Variants in TSNARE1 observed in about 807,000 individuals in gnomAD.
The protein encoded by TSNARE1 is t-SNARE domain containing 1, also known as t-SNARE domain-containing protein 1.
TSNARE1 carries 49 observed loss-of-function variants against 62.0 expected under a neutral mutation model. The ratio of observed to expected loss-of-function variants is 0.79; its 90% confidence interval spans 0.63 to 1.00. TSNARE1 has a LOEUF of 1.00. Ranked by LOEUF, TSNARE1 falls within the 50% of genes least tolerant of loss-of-function variation. The probability of loss-of-function intolerance (pLI) is 0.00; values close to 1 mark genes in which losing one functional copy is unlikely to be tolerated. For missense variants in TSNARE1, 755 were observed against 700.1 expected (o/e 1.08, Z -0.88); for synonymous variants, 328 against 294.4 (o/e 1.11, Z -1.17).
At chr8:142,360,791 G>C (rs1320182532) in intron 1 of TSNARE1, among the ~76,000 whole-genome samples, 3 of 152,200 alleles carry the variant, frequency 2.0e-5, no homozygotes, top group African/African-American at 7.2e-5. Context: ...CAGGAGGAGG[G>C]AGGCCTGGCA....
At chr8:142,298,819 T>C (rs1825200540) in intron 10 of TSNARE1, among the ~76,000 whole-genome samples, 1 of 152,082 alleles carries the variant, frequency 6.6e-6, no homozygotes, top group South Asian at 2.1e-4. Context: ...GGGGAAGCGG[T>C]CCGTCTGCCT....
intron 9 of TSNARE1, among the ~76,000 whole-genome samples, chr8:142,301,686 G>A (rs1321520812): frequency 6.6e-6 from 1 of 152,226 alleles, no homozygotes; most frequent in Non-Finnish European, 1.5e-5. Flanking sequence ...GAAAAAGGGA[G>A]ACAGGAAAAG....
At chr8:142,226,467 G>T (rs892046541) in intron 13 of TSNARE1, among the ~76,000 whole-genome samples, 3 of 152,164 alleles carry the variant, frequency 2.0e-5, no homozygotes. Context: ...CCTATTGCTT[G>T]TTCTTCCGTG....
Position 142,270,583 on chromosome 8 carries a change from G to A in TSNARE1, c.1446+4198C>T, listed in dbSNP as rs1423222034. ...GGTTCCCCTGGGCCAGAACCACGTA[G>A]GGCAGAGGAGCCCTGCCCTCCAAGT... On this transcript the variant is annotated intron_variant, in intron 12 of 13. Transcript: ENST00000524325. 8 of 984,892 alleles carry A rather than the reference G, an allele frequency of 8.1e-6. No homozygotes were observed. The Admixed American group carries it at 3.7e-4, about 46-fold the overall frequency. 61.0% of individuals were successfully genotyped at this position (984,892 alleles called of 1,614,324 possible).
Position 142,277,299 on chromosome 8 carries a change from G to A in TSNARE1, c.1364-2436C>T. The A allele has an allele frequency of 4.1e-6, 4 of 985,330 alleles. No individual in the cohort carries two copies. In the South Asian group the frequency reaches 1.9e-4, roughly 46 times the overall value. 61.0% of individuals were successfully genotyped at this position (985,330 alleles called of 1,614,324 possible). On this transcript the variant is annotated intron_variant, in intron 11 of 13. Coordinates refer to ENST00000524325, the MANE Select transcript of TSNARE1 (RefSeq NM_145003.5). The stretch of plus-strand genomic sequence containing the variant: ...AGGGGCCAGAGAGAGCAGCCTTTGG[G>A]ACCGCCCTCCCCAGACACTCGCAGA...
At chr8:142,224,539 T>A (rs1211536950) in intron 13 of TSNARE1, among the ~76,000 whole-genome samples, 2 of 152,206 alleles carry the variant, frequency 1.3e-5, no homozygotes, top group African/African-American at 4.8e-5. Context: ...GTGCGGTCCC[T>A]CCTCACCGTG....
At chr8:142,331,427 G>A (rs544330883) in intron 5 of TSNARE1, among the ~76,000 whole-genome samples, 7 of 152,320 alleles carry the variant, frequency 4.6e-5, no homozygotes, top group South Asian at 4.1e-4. Context: ...AAGGTGTCAA[G>A]AAGGAGCAGC....
chr8:142,316,734 C>T (rs1563898482), intron 7 of TSNARE1, among the ~76,000 whole-genome samples: 1 of 151,844 alleles, frequency 6.6e-6, no homozygotes, highest in African/African-American at 2.4e-5. Context: ...ATGTTTCACA[C>T]AAACAGAACC....
chr8:142,334,752 C>T (rs761049441), intron 4 of TSNARE1, among the ~76,000 whole-genome samples: 1 of 152,316 alleles, frequency 6.6e-6, no homozygotes, highest in East Asian at 1.9e-4. Context: ...GGACTTGATC[C>T]TTTCGTCAGA....
intron 12 of TSNARE1, among the ~76,000 whole-genome samples, chr8:142,239,561 AG>A (rs1817589695): frequency 6.6e-6 from 1 of 152,268 alleles, no homozygotes; most frequent in African/African-American, 2.4e-5. Flanking sequence ...TTAAAAATAG[AG>A]TAAGGAAAAA....
intron 12 of TSNARE1, among the ~76,000 whole-genome samples, chr8:142,249,087 C>T (rs1027466651): frequency 3.3e-5 from 5 of 152,264 alleles, no homozygotes; most frequent in Non-Finnish European, 7.3e-5. Context: ...ACCGGGCCCC[C>T]GCCAGACCGC....
At chr8:142,271,632 G>A (rs1286299006) in intron 12 of TSNARE1, 1 of 1,428,244 alleles carries the variant, frequency 7.0e-7, no homozygotes, top group Non-Finnish European at 9.1e-7. Context: ...GGCAGGCTGG[G>A]CCCTTCCAGG....
chr8:142,259,764 G>T (rs944655005), intron 12 of TSNARE1, among the ~76,000 whole-genome samples: 2 of 152,266 alleles, frequency 1.3e-5, no homozygotes, highest in Middle Eastern at 3.4e-3. Flanking sequence ...TGCCTGCAAC[G>T]TGGCTGCTCC....
intron 1 of TSNARE1, among the ~76,000 whole-genome samples, chr8:142,387,438 C>G (rs1239573859): frequency 2.0e-5 from 3 of 151,806 alleles, no homozygotes; most frequent in Admixed American, 6.6e-5. Context: ...GTTTAAAAAG[C>G]AGAGAAATAA....
At chr8:142,245,638 G>C (rs528088343) in intron 12 of TSNARE1, among the ~76,000 whole-genome samples, 1 of 152,194 alleles carries the variant, frequency 6.6e-6, no homozygotes, top group Admixed American at 6.5e-5. Flanking sequence ...GTTTAGTAGT[G>C]AATACATCTT....
Position 142,229,569 on chromosome 8 carries a change from T to C in TSNARE1, c.1457A>G (p.His486Arg). 1 of 1,613,856 alleles carries C rather than the reference T, an allele frequency of 6.2e-7. No homozygotes were observed. Among genetic ancestry groups the C allele is most frequent in the South Asian group, 1.1e-5 (1 of 91,074 alleles). ...AGASRHQLQR[H>R]KIKCCFLSAG... ...TGATAGGAAGCAGCACTTGATCTTG[T>C]GTCTCTGGAGCTGGGAGAGAGAGAG... The change falls in exon 13 of 14, where the codon CAC becomes CGC. Residue 486 changes from histidine to arginine, a missense_variant. By Grantham distance (29) the His-to-Arg change is conservative (BLOSUM62 0). Transcript: ENST00000524325.
At chr8:142,271,560 G>C (rs1320874307) in intron 12 of TSNARE1, 25 of 1,401,532 alleles carry the variant, frequency 1.8e-5, no homozygotes, top group Non-Finnish European at 2.2e-5. Flanking sequence ...GGGGAAGCAG[G>C]TGGGGAGGGT....
At chr8:142,292,416 C>T (rs987527305) in intron 10 of TSNARE1, among the ~76,000 whole-genome samples, 3 of 152,154 alleles carry the variant, frequency 2.0e-5, no homozygotes, top group Non-Finnish European at 4.4e-5. Context: ...GGCATGACTG[C>T]AATGTGCTTG....
chr8:142,217,985 A>C (rs1586746683), intron 13 of TSNARE1, among the ~76,000 whole-genome samples: 24 of 91,432 alleles, frequency 2.6e-4, no homozygotes, highest in Non-Finnish European at 3.4e-4. Context: ...ATCAGGGCTC[A>C]GAGTATGAGC....
Sources: gnomAD v4.1 joint callset for allele counts (sites outside exome capture counted in the v4.1 genomes callset) on GRCh38, gnomAD v4.1.1 for gene constraint, MANE v1.5 for transcripts, NCBI Gene and HGNC (gene_info 2026-07-23, HGNC 2026-07-21) for gene names.